Variants in B3GAT2 observed in about 807,000 individuals in gnomAD.
The protein encoded by B3GAT2 is galactosylgalactosylxylosylprotein 3-beta-glucuronosyltransferase 2.
Under a neutral mutation model 27.8 loss-of-function variants are expected in B3GAT2, and 26 were observed. The observed-to-expected ratio is 0.93, with a 90% confidence interval of 0.68 to 1.30. B3GAT2 has a LOEUF of 1.30. Ranked by LOEUF, B3GAT2 falls within the 50% of genes most tolerant of loss-of-function variation. The pLI is 0.00. For synonymous variants in B3GAT2, 218 were observed against 195.1 expected, an observed-to-expected ratio of 1.12 and a Z score of -0.98; for missense variants, 458 against 459.0, an observed-to-expected ratio of 1.00 and a Z score of 0.02.
chr6:70,921,964 C>A (rs992412831), intron 1 of B3GAT2, among the ~76,000 whole-genome samples: 2 of 152,154 alleles, frequency 1.3e-5, no homozygotes, highest in African/African-American at 4.8e-5. Flanking sequence ...AAAGCTGCTG[C>A]ACTCTGGGGG....
At chr6:70,921,235 T>G (rs370202795) in intron 1 of B3GAT2, among the ~76,000 whole-genome samples, 2 of 152,194 alleles carry the variant, frequency 1.3e-5, no homozygotes, top group East Asian at 3.9e-4. Context: ...AGTCACAGAT[T>G]TGGTCTCTAC....
chr6:70,909,147 C>T (rs1772647854), intron 1 of B3GAT2, among the ~76,000 whole-genome samples: 1 of 152,268 alleles, frequency 6.6e-6, no homozygotes, highest in East Asian at 1.9e-4. Context: ...CACACTCTCT[C>T]TCTCTCACAC....
chr6:70,913,888 G>T (rs1333962660), intron 1 of B3GAT2, among the ~76,000 whole-genome samples: 1 of 152,024 alleles, frequency 6.6e-6, no homozygotes, highest in African/African-American at 2.4e-5. Flanking sequence ...TCCTGTGTTG[G>T]GTACATATAT....
chr6:70,936,238 C>A (rs796408570), intron 1 of B3GAT2, among the ~76,000 whole-genome samples: 1 of 152,012 alleles, frequency 6.6e-6, no homozygotes, highest in East Asian at 1.9e-4. Context: ...TACAGGAGCA[C>A]CCAGATTCAT....
chr6:70,860,493 T>C lies in B3GAT2; in HGVS notation c.*1170A>G, dbSNP rs1261131133. The C allele has an allele frequency of 4.2e-6, 3 of 714,876 alleles. No individual in the cohort carries two copies. In the Admixed American group the frequency reaches 1.2e-4, roughly 29 times the overall value. 44.3% of individuals were successfully genotyped at this position (714,876 alleles called of 1,614,324 possible). ...ACCGTGTTGGTCTGTACTGATTCAATTTGATGTGGTGAAAAGCAGGTTGAT... is the reference window on the plus strand; with the variant it reads ...ACCGTGTTGGTCTGTACTGATTCAACTTGATGTGGTGAAAAGCAGGTTGAT... On this transcript the variant is annotated 3_prime_UTR_variant, in exon 4 of 4. Coordinates refer to ENST00000230053, the MANE Select transcript of B3GAT2 (RefSeq NM_080742.3).
intron 1 of B3GAT2, among the ~76,000 whole-genome samples, chr6:70,904,566 T>C (rs1362098847): frequency 1.3e-5 from 2 of 152,172 alleles, no homozygotes; most frequent in East Asian, 1.9e-4. Flanking sequence ...AAGTACGAGA[T>C]AAGCCTAAGA....
intron 1 of B3GAT2, among the ~76,000 whole-genome samples, chr6:70,948,686 C>T (rs1177588242): frequency 1.3e-5 from 2 of 151,816 alleles, no homozygotes; most frequent in Admixed American, 6.6e-5. Context: ...AATGCCATCC[C>T]CATCAAGCTA....
chr6:70,858,347 A>C lies in B3GAT2; in HGVS notation c.*3316T>G. The C allele has an allele frequency of 1.1e-6, 1 of 882,560 alleles. No individual in the cohort carries two copies. 54.7% of individuals were successfully genotyped at this position (882,560 alleles called of 1,614,324 possible). A position where few individuals can be genotyped will look rare whatever the true frequency, so the allele number is the denominator to read the frequency against. ...AGTGATCTGGCAGAAAGAATTCAAT[A>C]GGGATAATATGTTATAGGGTCAAAA... is the stretch of plus-strand genomic sequence containing the variant. On this transcript the variant is annotated 3_prime_UTR_variant, in exon 4 of 4. Coordinates refer to ENST00000230053, the MANE Select transcript of B3GAT2 (RefSeq NM_080742.3).
intron 2 of B3GAT2, among the ~76,000 whole-genome samples, chr6:70,872,937 G>A (rs190294279): frequency 7.6e-4 from 115 of 151,930 alleles, no homozygotes; most frequent in African/African-American, 2.7e-3. Flanking sequence ...ATTTCAACAG[G>A]ATAAAAAAAC....
chr6:70,884,233 C>A (rs910362442), intron 2 of B3GAT2, among the ~76,000 whole-genome samples: 1 of 152,122 alleles, frequency 6.6e-6, no homozygotes, highest in East Asian at 1.9e-4. Context: ...CATTTTGATG[C>A]GAAGCCATGG....
chr6:70,888,418 C>G (rs1183483798), intron 2 of B3GAT2, among the ~76,000 whole-genome samples: 1 of 152,120 alleles, frequency 6.6e-6, no homozygotes, highest in African/African-American at 2.4e-5. Flanking sequence ...TACCATACAA[C>G]AGAAAAAGGT....
intron 1 of B3GAT2, among the ~76,000 whole-genome samples, chr6:70,911,247 G>C (rs987954259): frequency 6.6e-6 from 1 of 152,172 alleles, no homozygotes; most frequent in African/African-American, 2.4e-5. Flanking sequence ...ACTATGTCCA[G>C]AATGGTATTT....
intron 2 of B3GAT2, among the ~76,000 whole-genome samples, chr6:70,887,806 C>T (rs142827765): frequency 1.3e-5 from 2 of 152,190 alleles, no homozygotes; most frequent in African/African-American, 2.4e-5. Flanking sequence ...TAGGGCTGAA[C>T]GAGGAAGGAG....
chr6:70,865,940 G>C (rs1025035592), intron 2 of B3GAT2, among the ~76,000 whole-genome samples: 1 of 152,152 alleles, frequency 6.6e-6, no homozygotes, highest in Non-Finnish European at 1.5e-5. Flanking sequence ...AGGGGAACCC[G>C]GAAAGCTCTG....
At chr6:70,891,639 T>C (rs933982464) in intron 2 of B3GAT2, among the ~76,000 whole-genome samples, 1 of 152,124 alleles carries the variant, frequency 6.6e-6, no homozygotes, top group Non-Finnish European at 1.5e-5. Context: ...AATGTTCCAT[T>C]TGGGCTCTTA....
At position 70,907,546 on chromosome 6, in the gene B3GAT2, C is replaced by T. The variant is rs1343924641; in HGVS notation, c.592-13274G>A. Among the ~76,000 whole-genome samples, 4 of 152,326 alleles carry T rather than the reference C, an allele frequency of 2.6e-5. No homozygotes were observed. The South Asian group carries it at 8.3e-4, about 32-fold the overall frequency. On this transcript the variant is annotated intron_variant, in intron 1 of 3. Transcript: ENST00000230053. ...CTTCTTGCTCAACACTTTTCCTCTTCCTAAGTTCACAGGAAGACTCCATGT... is the reference window on the plus strand; with the variant it reads ...CTTCTTGCTCAACACTTTTCCTCTTTCTAAGTTCACAGGAAGACTCCATGT...
chr6:70,926,931 G>A (rs1019016001), intron 1 of B3GAT2, among the ~76,000 whole-genome samples: 4 of 152,186 alleles, frequency 2.6e-5, no homozygotes, highest in Non-Finnish European at 1.5e-5. Context: ...AGAGAGAAAG[G>A]TCGGGTTACC....
chr6:70,944,726 C>T (rs1341788341), intron 1 of B3GAT2, among the ~76,000 whole-genome samples: 1 of 152,152 alleles, frequency 6.6e-6, no homozygotes, highest in Non-Finnish European at 1.5e-5. Context: ...CAGTGGTTCT[C>T]CCAGCACGCA....
chr6:70,883,936 G>A (rs1191668878), intron 2 of B3GAT2, among the ~76,000 whole-genome samples: 2 of 151,786 alleles, frequency 1.3e-5, no homozygotes, highest in African/African-American at 4.8e-5. Flanking sequence ...ACTCTGTCAT[G>A]AGGTTATCCC....
Sources: gnomAD v4.1 joint callset for allele counts (sites outside exome capture counted in the v4.1 genomes callset) on GRCh38, gnomAD v4.1.1 for gene constraint, MANE v1.5 for transcripts, NCBI Gene and HGNC (gene_info 2026-07-23, HGNC 2026-07-21) for gene names.